WASF3: variants seen among roughly 807,000 people sequenced by gnomAD.
WASF3 encodes the protein actin-binding protein WASF3.
A neutral mutation model predicts 46.6 loss-of-function variants in WASF3; 11 were observed. The ratio of observed to expected loss-of-function variants is 0.24; its 90% CI spans 0.15 to 0.39. The LOEUF (loss-of-function observed/expected upper bound fraction) is 0.39, where lower values mean the gene tolerates loss of function less well. WASF3 is among the 10% of genes least tolerant of loss of function. The probability of loss-of-function intolerance (pLI) is 1.00; values close to 1 mark genes in which losing one functional copy is unlikely to be tolerated. For synonymous variants in WASF3, 242 were observed against 259.7 expected, an observed-to-expected ratio of 0.93 and a Z score of 0.65; for missense variants, 576 against 669.8, an observed-to-expected ratio of 0.86 and a Z score of 1.55.
chr13:26,589,920 T>TA (rs146253516), intron 1 of WASF3, among the ~76,000 whole-genome samples: 3,955 of 152,282 alleles, frequency 0.026, 183 homozygotes, highest in African/African-American at 0.09. Flanking sequence ...TTGCTGGACT[T>TA]ACGCCAGGGC....
At chr13:26,622,700 G>A (rs1161731417) in intron 2 of WASF3, 2 of 152,120 alleles carry the variant, frequency 1.3e-5, no homozygotes, top group East Asian at 1.9e-4. Flanking sequence ...ACTTGAACCC[G>A]GGAGATGGAG....
chr13:26,688,834 TAAAA>T lies in WASF3; in HGVS notation c.*2994_*2997del, dbSNP rs1007370115. On this transcript the variant is annotated 3_prime_UTR_variant, in exon 10 of 10. Transcript: ENST00000335327. ...TTGTAAATTGAATTTAAAGTGGTAT[TAAAA>T]AAAACTGTTAAACAATTTTTATCTG... is the stretch of plus-strand genomic sequence containing the variant. The T allele has an allele frequency of 6.6e-6, 1 of 152,068 alleles. No individual in the cohort carries two copies. Among genetic ancestry groups the T allele is most frequent in the South Asian group, 2.1e-4 (1 of 4,834 alleles). 9.4% of individuals were successfully genotyped at this position (152,068 alleles called of 1,614,324 possible). A position where few individuals can be genotyped will look rare whatever the true frequency, so the allele number is the denominator to read the frequency against.
chr13:26,682,655 T>A lies in WASF3; in HGVS notation c.1032T>A (p.Pro344=), dbSNP rs1157805605. ...IIEYYNPSGP[P]PPPPPPVIPS... ...AGTATTACAACCCATCCGGACCACC[T>A]CCTCCGCCACCTCCTCCTGTGATTC... The change falls in exon 9 of 10, where the codon CCT becomes CCA. Residue 344 remains proline (P), a synonymous_variant. Coordinates refer to ENST00000335327, the MANE Select transcript of WASF3 (RefSeq NM_006646.6). The surrounding 1 kb of genome is among the most constrained non-coding windows in gnomAD (Gnocchi z 4.4). 5 of 1,613,954 alleles carry A rather than the reference T, an allele frequency of 3.1e-6. No individual in the cohort carries two copies. Among genetic ancestry groups the A allele is most frequent in the African/African-American group, 2.7e-5 (2 of 74,898 alleles).
At chr13:26,663,521 G>A (rs988331929) in intron 3 of WASF3, among the ~76,000 whole-genome samples, 2 of 152,234 alleles carry the variant, frequency 1.3e-5, no homozygotes, top group Non-Finnish European at 2.9e-5. Context: ...TGAGCTTTAA[G>A]AGAAGCAATT....
intron 1 of WASF3, among the ~76,000 whole-genome samples, chr13:26,569,232 T>C (rs981168743): frequency 3.3e-5 from 5 of 152,050 alleles, no homozygotes; most frequent in African/African-American, 1.2e-4. Flanking sequence ...AGGATATAGA[T>C]GATTTGAACA....
intron 2 of WASF3, 70 bp from the exon 3 acceptor site, chr13:26,642,191 A>T: frequency 7.0e-7 from 1 of 1,429,270 alleles, no homozygotes. Context: ...TCAATTTTCA[A>T]GGGAATTAAA....
chr13:26,606,028 C>T (rs1394299256), intron 1 of WASF3, among the ~76,000 whole-genome samples: 1 of 152,054 alleles, frequency 6.6e-6, no homozygotes, highest in African/African-American at 2.4e-5. Flanking sequence ...TGAACATGCC[C>T]CAGCTCTGGT....
intron 1 of WASF3, among the ~76,000 whole-genome samples, chr13:26,584,375 A>G (rs567365682): frequency 6.6e-6 from 1 of 152,346 alleles, no homozygotes; most frequent in African/African-American, 2.4e-5. Context: ...GCTTATTTGT[A>G]AAGTAAAAAG....
intron 3 of WASF3, among the ~76,000 whole-genome samples, chr13:26,654,900 T>G (rs1366492132): frequency 6.6e-6 from 1 of 152,148 alleles, no homozygotes; most frequent in Non-Finnish European, 1.5e-5. Context: ...AGGAAAAAAC[T>G]TTAAGCCCAA....
chr13:26,569,873 A>G (rs923123470), intron 1 of WASF3, among the ~76,000 whole-genome samples: 2 of 152,252 alleles, frequency 1.3e-5, no homozygotes, highest in Non-Finnish European at 2.9e-5. Flanking sequence ...AGAACATCCT[A>G]AAATATCCTA....
chr13:26,609,408 C>T (rs1880902755), intron 1 of WASF3: 1 of 151,898 alleles, frequency 6.6e-6, no homozygotes, highest in Non-Finnish European at 1.5e-5. Context: ...ATTACCTGCA[C>T]TCATATTGGC....
rs940613997 is a variant in WASF3, at chr13:26,687,394, T to C, written c.*1549T>C. 3.3e-5 allele frequency: 5 copies of C among 152,220 alleles called. No homozygotes were observed. Among genetic ancestry groups the C allele is most frequent in the Non-Finnish European group, 7.3e-5 (5 of 68,082 alleles). The allele number at this position is 152,220 out of a possible 1,614,324, so 9.4% of individuals were successfully genotyped here. Reference sequence around the variant, plus strand: ...ATGGTGATGGGGGTTTTTGTTAAAATGCATCTGAGCAAGTCAGCCAGCCCC... The same window carrying C: ...ATGGTGATGGGGGTTTTTGTTAAAACGCATCTGAGCAAGTCAGCCAGCCCC... On this transcript the variant is annotated 3_prime_UTR_variant, in exon 10 of 10. Transcript: ENST00000335327.
chr13:26,555,354 G>C (rs981739066), upstream of WASF3, among the ~76,000 whole-genome samples: 1 of 152,052 alleles, frequency 6.6e-6, no homozygotes, highest in Non-Finnish European at 1.5e-5. Context: ...ACTACATCAG[G>C]TACTGCCACT....
At chr13:26,640,408 C>CT (rs56253601) in intron 2 of WASF3, 1,562 of 140,518 alleles carry the variant, frequency 0.011, 12 homozygotes, top group Non-Finnish European at 0.017. Flanking sequence ...CTTTTTTTTT[C>CT]TTTTTTTTTT....
chr13:26,572,381 AGTTAT>A (rs1202142418), intron 1 of WASF3, among the ~76,000 whole-genome samples: 1 of 152,056 alleles, frequency 6.6e-6, no homozygotes, highest in Non-Finnish European at 1.5e-5. Context: ...TTCTGTCTTA[AGTTAT>A]GTTAAGAAAG....
intron 2 of WASF3, among the ~76,000 whole-genome samples, chr13:26,627,255 C>A (rs1593156503): frequency 7.0e-6 from 1 of 142,780 alleles, no homozygotes; most frequent in African/African-American, 2.5e-5. Context: ...TTACTATCAA[C>A]ATCTTATACT....
At chr13:26,603,243 T>C (rs1238815638) in intron 1 of WASF3, among the ~76,000 whole-genome samples, 2 of 152,090 alleles carry the variant, frequency 1.3e-5, no homozygotes, top group Non-Finnish European at 2.9e-5. Flanking sequence ...GTACCTTTTG[T>C]AGGGGTTGGA....
intron 2 of WASF3, among the ~76,000 whole-genome samples, chr13:26,630,336 T>C (rs1881612471): frequency 6.6e-6 from 1 of 151,698 alleles, no homozygotes; most frequent in Admixed American, 6.6e-5. Context: ...CAGGCCCTGG[T>C]GTGTGATGTT....
intron 7 of WASF3, among the ~76,000 whole-genome samples, chr13:26,678,154 CCTA>C (rs1355145546): frequency 6.6e-6 from 1 of 152,118 alleles, no homozygotes; most frequent in African/African-American, 2.4e-5. Context: ...TTTGTTGTCT[CCTA>C]CTATTTCCCA....
Sources: allele counts gnomAD v4.1 joint callset (sites outside exome capture counted in the v4.1 genomes callset), GRCh38; gene constraint gnomAD v4.1.1; non-coding constraint Gnocchi (gnomAD v3.1); transcripts MANE v1.5; gene names NCBI Gene and HGNC (gene_info 2026-07-23, HGNC 2026-07-21).